The following WDPCP variants were observed in gnomAD, a reference collection of about 807,000 sequenced individuals.
WDPCP encodes the protein WD repeat containing planar cell polarity effector, also known as WD repeat-containing and planar cell polarity effector protein fritz homolog.
In WDPCP, 71 loss-of-function variants were observed where a neutral mutation model predicts 93.1. That is an observed-to-expected ratio of 0.76 (90% CI 0.63 to 0.93). WDPCP has a LOEUF of 0.93. Ranked by LOEUF, WDPCP falls within the 40% of genes least tolerant of loss-of-function variation. The pLI is 0.00. For synonymous variants in WDPCP, 315 were observed against 315.0 expected, an observed-to-expected ratio of 1.00 and a Z score of 0.00; for missense variants, 844 against 887.4, an observed-to-expected ratio of 0.95 and a Z score of 0.62.
chr2:63,486,200 A>G (rs1015755038), intron 4 of WDPCP, among the ~76,000 whole-genome samples: 11 of 152,036 alleles, frequency 7.2e-5, no homozygotes, highest in East Asian at 1.9e-4. Flanking sequence ...TTTCTTAAAA[A>G]TGGGTAAGAC....
chr2:63,222,297 T>A (rs1677904454), intron 14 of WDPCP, among the ~76,000 whole-genome samples: 1 of 152,218 alleles, frequency 6.6e-6, no homozygotes, highest in African/African-American at 2.4e-5. Flanking sequence ...ACAATTCTAC[T>A]GTTTAAGTTT....
rs149513837 is a variant in WDPCP, at chr2:63,256,515, A to T, written c.1915+2792T>A. Among the ~76,000 whole-genome samples the T allele has an allele frequency of 2.4e-4, 36 of 152,316 alleles. No homozygotes were observed. In the East Asian group the frequency reaches 6.6e-3, roughly 28 times the overall value. Reference sequence around the variant, plus strand: ...CTGCTGGTGAGAAGGGAAATTGTTAACAACTACTTTGGAAAACTGGAAGTA... The same window carrying T: ...CTGCTGGTGAGAAGGGAAATTGTTATCAACTACTTTGGAAAACTGGAAGTA... On this transcript the variant is annotated intron_variant, in intron 14 of 17. Transcript: ENST00000272321.
intron 1 of WDPCP, among the ~76,000 whole-genome samples, chr2:63,821,714 A>G (rs1671021274): frequency 6.6e-6 from 1 of 152,162 alleles, no homozygotes. Context: ...GTTTGACTCA[A>G]TATTAGTCTC....
intron 12 of WDPCP, among the ~76,000 whole-genome samples, chr2:63,366,276 G>C (rs1690900622): frequency 6.6e-6 from 1 of 152,058 alleles, no homozygotes; most frequent in South Asian, 2.1e-4. Flanking sequence ...TAATAACAAT[G>C]ATTTCTGTCC....
intron 15 of WDPCP, among the ~76,000 whole-genome samples, chr2:63,158,135 C>T (rs1672387553): frequency 6.6e-6 from 1 of 151,610 alleles, no homozygotes; most frequent in African/African-American, 2.4e-5. Flanking sequence ...TTCTCTATTT[C>T]TTTCTGTTAT....
intron 12 of WDPCP, among the ~76,000 whole-genome samples, chr2:63,362,313 T>G: frequency 4.1e-5 from 3 of 72,830 alleles, no homozygotes; most frequent in African/African-American, 5.7e-5. Flanking sequence ...AGAAAGGAAG[T>G]GGGTGAGGGG....
At chr2:63,772,744 C>T (rs1670247836) in intron 2 of WDPCP, among the ~76,000 whole-genome samples, 1 of 151,966 alleles carries the variant, frequency 6.6e-6, no homozygotes, top group Admixed American at 6.6e-5. Flanking sequence ...AACAATTACT[C>T]ATGACATAAA....
chr2:63,756,938 T>C (rs1424811922), intron 2 of WDPCP, among the ~76,000 whole-genome samples: 1 of 152,176 alleles, frequency 6.6e-6, no homozygotes, highest in Non-Finnish European at 1.5e-5. Flanking sequence ...TATCAAAGTC[T>C]CTTGCAGGGG....
intron 10 of WDPCP, among the ~76,000 whole-genome samples, chr2:63,390,505 C>A (rs1201637988): frequency 6.6e-6 from 1 of 152,018 alleles, no homozygotes; most frequent in African/African-American, 2.4e-5. Context: ...GAAGCAAGAG[C>A]AAACACATTC....
At chr2:63,153,985 A>C (rs1169759945) in intron 15 of WDPCP, among the ~76,000 whole-genome samples, 2 of 151,934 alleles carry the variant, frequency 1.3e-5, no homozygotes, top group Non-Finnish European at 2.9e-5. Context: ...TTTGATGTAG[A>C]AAACCCCCCA....
chr2:63,395,318 T>C (rs1432865555), intron 10 of WDPCP, among the ~76,000 whole-genome samples: 2 of 152,188 alleles, frequency 1.3e-5, no homozygotes. Context: ...GGGCTTTTAC[T>C]GTACCTATCA....
At chr2:63,401,232 T>A (rs1694126116) in intron 10 of WDPCP, among the ~76,000 whole-genome samples, 1 of 152,126 alleles carries the variant, frequency 6.6e-6, no homozygotes, top group Non-Finnish European at 1.5e-5. Flanking sequence ...GAGAAAAGTT[T>A]TGCAATCTAC....
intron 1 of WDPCP, among the ~76,000 whole-genome samples, chr2:63,531,610 C>T (rs1474431548): frequency 6.6e-6 from 1 of 152,176 alleles, no homozygotes; most frequent in African/African-American, 2.4e-5. Flanking sequence ...TCCAACAGAC[C>T]TGCAGCTGAG....
rs10195086 is a variant in WDPCP, at chr2:63,545,127, C to T, written c.75+43070G>A. 9.0e-4 allele frequency among the ~76,000 whole-genome samples: 137 copies of T among 152,234 alleles called. No individual in the cohort carries two copies. The Middle Eastern group carries it at 0.014, about 15-fold the overall frequency. ...ACACTTGGGAGAGCCAATCCTATTCCTTTTCTAGCAGCAGGGTGCCACGGC... is the reference window on the plus strand; with the variant it reads ...ACACTTGGGAGAGCCAATCCTATTCTTTTTCTAGCAGCAGGGTGCCACGGC... On this transcript the variant is annotated intron_variant, in intron 1 of 17. Coordinates refer to ENST00000272321, the MANE Select transcript of WDPCP (RefSeq NM_015910.7).
chr2:63,522,190 C>A (rs549128258), intron 1 of WDPCP, among the ~76,000 whole-genome samples: 3 of 151,910 alleles, frequency 2.0e-5, no homozygotes, highest in Non-Finnish European at 4.4e-5. Flanking sequence ...TCTAGCCCCC[C>A]ACCCCCCGGC....
intron 2 of WDPCP, among the ~76,000 whole-genome samples, chr2:63,779,735 A>G (rs945636626): frequency 6.6e-6 from 1 of 152,150 alleles, no homozygotes; most frequent in Non-Finnish European, 1.5e-5. Flanking sequence ...CAAAGAGAGG[A>G]GGCAGTTTCA....
chr2:63,721,671 C>G (rs1575757571), intron 2 of WDPCP, among the ~76,000 whole-genome samples: 2 of 152,132 alleles, frequency 1.3e-5, no homozygotes, highest in Middle Eastern at 3.4e-3. Context: ...AAGCCATTCC[C>G]TCTACTTAGA....
At chr2:63,334,381 T>C (rs2104377769) in intron 12 of WDPCP, among the ~76,000 whole-genome samples, 1 of 152,240 alleles carries the variant, frequency 6.6e-6, no homozygotes, top group South Asian at 2.1e-4. Flanking sequence ...TCATACATTT[T>C]AGGGAGACAT....
chr2:63,756,836 C>G (rs574555122), intron 2 of WDPCP, among the ~76,000 whole-genome samples: 1 of 152,268 alleles, frequency 6.6e-6, no homozygotes, highest in South Asian at 2.1e-4. Flanking sequence ...GAATTTCACA[C>G]ATGGGAAAAT....
Sources: gnomAD v4.1 joint callset for allele counts (sites outside exome capture counted in the v4.1 genomes callset) on GRCh38, gnomAD v4.1.1 for gene constraint, MANE v1.5 for transcripts, NCBI Gene and HGNC (gene_info 2026-07-23, HGNC 2026-07-21) for gene names.